CTNNA2: variants seen among roughly 807,000 people sequenced by gnomAD.
The protein encoded by CTNNA2 is catenin alpha 2.
CTNNA2 carries 42 observed loss-of-function variants against 101.0 expected under a neutral mutation model. That is an observed-to-expected ratio of 0.42 (90% CI 0.32 to 0.54). The LOEUF is 0.54. Ranked by LOEUF, CTNNA2 falls within the 20% of genes least tolerant of loss-of-function variation. The probability of loss-of-function intolerance (pLI) is 0.14; values close to 1 mark genes in which losing one functional copy is unlikely to be tolerated. For synonymous variants in CTNNA2, 450 were observed against 456.4 expected (o/e 0.99, Z 0.18); for missense variants, 871 against 1,223.1 (o/e 0.71, Z 4.29).
rs575135620 is a variant in CTNNA2 at position 79,249,744 on chromosome 2, A to G, written c.-406+51668A>G. On this transcript the variant is annotated intron_variant, in intron 2 of 21. Coordinates refer to the CTNNA2 transcript ENST00000466387. ...TACTCTCTTTTTATTTATTCCATAC[A>G]GAGAATTAGACCTTCTTCTTGCATA... Among the ~76,000 whole-genome samples, 8 of 152,284 alleles carry G rather than the reference A, an allele frequency of 5.3e-5. No individual in the cohort carries two copies. The East Asian group carries it at 1.5e-3, about 29-fold the overall frequency.
Position 79,531,182 on chromosome 2 carries a change from A to G in CTNNA2, c.-6+17975A>G, listed in dbSNP as rs1356240208. Among the ~76,000 whole-genome samples, 10 of 139,978 alleles carry G rather than the reference A, an allele frequency of 7.1e-5. No individual in the cohort carries two copies. In the East Asian group the frequency reaches 2.2e-3, roughly 31 times the overall value. 91.8% of individuals were successfully genotyped at this position (139,978 alleles called of 152,430 possible). On this transcript the variant is annotated intron_variant, in intron 1 of 18. Transcript: ENST00000402739. ...CCACCACTAGTTTTTATTTATTAGT[A>G]AATAGATACGCTCATATATATATAT...
chr2:79,502,280 A>G (rs941794644), intron 4 of CTNNA2, among the ~76,000 whole-genome samples: 4 of 152,210 alleles, frequency 2.6e-5, no homozygotes, highest in South Asian at 2.1e-4. Flanking sequence ...TCTTTTTGCC[A>G]TGTGCTATCT....
intron 3 of CTNNA2, among the ~76,000 whole-genome samples, chr2:79,765,205 T>C (rs534321061): frequency 2.2e-4 from 34 of 152,226 alleles, no homozygotes; most frequent in Non-Finnish European, 4.4e-4. Flanking sequence ...TTTTTTCCAG[T>C]GCTTATCTCA....
chr2:80,624,915 C>G (rs898566866), intron 18 of CTNNA2, among the ~76,000 whole-genome samples: 2 of 151,746 alleles, frequency 1.3e-5, no homozygotes, highest in African/African-American at 4.8e-5. Context: ...TATCTCTTGC[C>G]AATGATCTGT....
At chr2:79,998,466 T>A (rs1381736611) in intron 7 of CTNNA2, among the ~76,000 whole-genome samples, 2 of 152,174 alleles carry the variant, frequency 1.3e-5, no homozygotes, top group Non-Finnish European at 2.9e-5. Flanking sequence ...AATCAGGTGG[T>A]TTCACTCATA....
chr2:80,401,628 AT>A (rs1227370447), intron 8 of CTNNA2, among the ~76,000 whole-genome samples: 2 of 152,006 alleles, frequency 1.3e-5, no homozygotes, highest in African/African-American at 4.8e-5. Context: ...TTTCTGATAG[AT>A]GGAACTTTCA....
intron 1 of CTNNA2, among the ~76,000 whole-genome samples, chr2:79,603,274 T>G (rs1186506250): frequency 2.6e-5 from 4 of 152,148 alleles, no homozygotes; most frequent in Non-Finnish European, 4.4e-5. Flanking sequence ...GAGACCCAAT[T>G]TAAAAAGTGT....
At chr2:80,157,501 A>G (rs963200901) in intron 7 of CTNNA2, among the ~76,000 whole-genome samples, 1 of 152,180 alleles carries the variant, frequency 6.6e-6, no homozygotes, top group Non-Finnish European at 1.5e-5. Flanking sequence ...TATGTGTTGC[A>G]TCAGATCTGA....
chr2:80,297,756 G>A (rs1307898019), intron 7 of CTNNA2, among the ~76,000 whole-genome samples: 1 of 152,062 alleles, frequency 6.6e-6, no homozygotes, highest in Non-Finnish European at 1.5e-5. Flanking sequence ...CTCTGCTGTG[G>A]CATAAGGAGC....
At chr2:79,818,917 A>G (rs1214779881) in intron 3 of CTNNA2, among the ~76,000 whole-genome samples, 2 of 142,702 alleles carry the variant, frequency 1.4e-5, no homozygotes, top group African/African-American at 5.2e-5. Flanking sequence ...ACACACACAC[A>G]CACATACACA....
chr2:79,522,575 G>A (rs757877457), intron 1 of CTNNA2, among the ~76,000 whole-genome samples: 27 of 152,326 alleles, frequency 1.8e-4, no homozygotes, highest in Middle Eastern at 3.4e-3. Context: ...GGGAATAAGA[G>A]TATGGAGGAG....
intron 7 of CTNNA2, among the ~76,000 whole-genome samples, chr2:80,043,171 TTCCTTCCTTC>T (rs1404431676): frequency 2.7e-5 from 3 of 110,184 alleles, no homozygotes; most frequent in African/African-American, 1.2e-4. Flanking sequence ...CCTTCCTTCC[TTCCTTCCTTC>T]CTTTCTTTCT....
At chr2:80,295,967 G>A (rs1460141658) in intron 7 of CTNNA2, among the ~76,000 whole-genome samples, 1 of 152,124 alleles carries the variant, frequency 6.6e-6, no homozygotes, top group South Asian at 2.1e-4. Context: ...AGACTATCCT[G>A]TTTCTAAGGA....
At chr2:79,545,785 T>C (rs540118969) in intron 1 of CTNNA2, among the ~76,000 whole-genome samples, 10 of 152,196 alleles carry the variant, frequency 6.6e-5, no homozygotes, top group African/African-American at 2.4e-4. Flanking sequence ...TACTTTTTTA[T>C]GCTCATAATA....
At chr2:80,466,630 A>G (rs755882566) in intron 9 of CTNNA2, among the ~76,000 whole-genome samples, 6 of 152,212 alleles carry the variant, frequency 3.9e-5, no homozygotes, top group Non-Finnish European at 5.9e-5. Flanking sequence ...TCTTACTTCA[A>G]TTTGCAATGT....
intron 2 of CTNNA2, among the ~76,000 whole-genome samples, chr2:79,744,084 G>C (rs73938798): frequency 0.046 from 7,044 of 152,182 alleles, 221 homozygotes; most frequent in African/African-American, 0.091. Flanking sequence ...CACTGTACCT[G>C]TCAGTCTGTA....
chr2:80,203,325 CA>C (rs1395633486), intron 7 of CTNNA2, among the ~76,000 whole-genome samples: 2 of 152,220 alleles, frequency 1.3e-5, no homozygotes, highest in Non-Finnish European at 2.9e-5. Flanking sequence ...TCATCCAAGA[CA>C]AGCAATTCCC....
At chr2:79,752,869 T>C (rs1328440254) in intron 3 of CTNNA2, among the ~76,000 whole-genome samples, 1 of 152,180 alleles carries the variant, frequency 6.6e-6, no homozygotes, top group Non-Finnish European at 1.5e-5. Flanking sequence ...GGAGCCATAA[T>C]TATAATACAA....
chr2:79,948,520 C>T (rs899410769), intron 7 of CTNNA2, among the ~76,000 whole-genome samples: 7 of 152,230 alleles, frequency 4.6e-5, no homozygotes, highest in East Asian at 3.9e-4. Context: ...CAGTGCATGG[C>T]GCATAGCGTT....
Sources: allele counts gnomAD v4.1 joint callset (sites outside exome capture counted in the v4.1 genomes callset), GRCh38; gene constraint gnomAD v4.1.1; transcripts MANE v1.5; gene names NCBI Gene and HGNC (gene_info 2026-07-23, HGNC 2026-07-21).